Variants in LRRC4C observed in about 807,000 individuals in gnomAD.
The protein encoded by LRRC4C is leucine-rich repeat-containing protein 4C.
Under a neutral mutation model 33.6 loss-of-function variants are expected in LRRC4C, and 5 were observed. The observed-to-expected ratio is 0.15, with a 90% CI of 0.08 to 0.31. The LOEUF (loss-of-function observed/expected upper bound fraction) is 0.31. Ranked by LOEUF, LRRC4C falls within the 10% of genes least tolerant of loss-of-function variation. The pLI, the probability that LRRC4C is intolerant of heterozygous loss-of-function variation, is 1.00. For synonymous variants in LRRC4C, 329 were observed against 302.0 expected (o/e 1.09, Z -0.93); for missense variants, 560 against 796.7 (o/e 0.70, Z 3.58).
chr11:40,211,340 T>C (rs941496996), intron 5 of LRRC4C, among the ~76,000 whole-genome samples: 12 of 152,320 alleles, frequency 7.9e-5, no homozygotes, highest in African/African-American at 2.6e-4. Context: ...CTCTGTTAGA[T>C]ATGTGCTTTT....
chr11:40,563,947 T>G (rs887713878), intron 3 of LRRC4C, among the ~76,000 whole-genome samples: 1 of 152,192 alleles, frequency 6.6e-6, no homozygotes, highest in African/African-American at 2.4e-5. Flanking sequence ...GTCAGGCCAA[T>G]AACTAGGGTT....
intron 3 of LRRC4C, among the ~76,000 whole-genome samples, chr11:40,362,173 T>C (rs1382971439): frequency 6.6e-6 from 1 of 152,080 alleles, no homozygotes; most frequent in Non-Finnish European, 1.5e-5. Flanking sequence ...GGAAACAATA[T>C]AGGCAATACC....
At chr11:40,379,560 G>A (rs577998857) in intron 3 of LRRC4C, among the ~76,000 whole-genome samples, 8 of 151,996 alleles carry the variant, frequency 5.3e-5, no homozygotes, top group East Asian at 1.9e-4. Flanking sequence ...TACTTCCTCC[G>A]GTTAGTTCTA....
chr11:40,206,019 A>T (rs1863120149), intron 5 of LRRC4C, among the ~76,000 whole-genome samples: 1 of 152,166 alleles, frequency 6.6e-6, no homozygotes, highest in African/African-American at 2.4e-5. Context: ...TTTCAAAATA[A>T]TTTTATAGAA....
chr11:41,330,313 G>T (rs963498321), intron 1 of LRRC4C, among the ~76,000 whole-genome samples: 6 of 151,694 alleles, frequency 4.0e-5, no homozygotes, highest in African/African-American at 1.2e-4. Flanking sequence ...GCACTATTTT[G>T]TTTTTTTCTT....
At chr11:41,141,728 G>GT (rs1269329273) in intron 1 of LRRC4C, among the ~76,000 whole-genome samples, 1 of 152,048 alleles carries the variant, frequency 6.6e-6, no homozygotes, top group Non-Finnish European at 1.5e-5. Context: ...CACCATGATT[G>GT]TAAGTTTCCT....
At chr11:41,297,814 A>C (rs1950183660) in intron 1 of LRRC4C, among the ~76,000 whole-genome samples, 1 of 152,228 alleles carries the variant, frequency 6.6e-6, no homozygotes, top group Non-Finnish European at 1.5e-5. Context: ...ATGTATAGAT[A>C]GATCAGGAAG....
intron 1 of LRRC4C, among the ~76,000 whole-genome samples, chr11:40,958,752 T>C (rs1026413823): frequency 6.6e-6 from 1 of 151,800 alleles, no homozygotes; most frequent in Non-Finnish European, 1.5e-5. Flanking sequence ...AAATCTCAAA[T>C]CTTGAATTCT....
chr11:40,762,199 G>T (rs1236030242), intron 2 of LRRC4C, among the ~76,000 whole-genome samples: 1 of 152,104 alleles, frequency 6.6e-6, no homozygotes, highest in Non-Finnish European at 1.5e-5. Flanking sequence ...GTGGCCTGTG[G>T]AGAAATGTAA....
chr11:40,678,281 CT>C (rs1245567167), intron 2 of LRRC4C, among the ~76,000 whole-genome samples: 2 of 151,998 alleles, frequency 1.3e-5, no homozygotes, highest in African/African-American at 4.8e-5. Context: ...AATTTCAGCC[CT>C]GGAGCCCCTC....
chr11:41,322,672 A>G (rs185329553), intron 1 of LRRC4C, among the ~76,000 whole-genome samples: 93 of 152,326 alleles, frequency 6.1e-4, no homozygotes, highest in African/African-American at 2.2e-3. Context: ...GCTGCAGTGT[A>G]ACCACCCTCT....
intron 1 of LRRC4C, among the ~76,000 whole-genome samples, chr11:40,945,879 T>C (rs1470009972): frequency 6.6e-6 from 1 of 152,194 alleles, no homozygotes. Flanking sequence ...CATATGAATA[T>C]GAGTTTCAAA....
intron 1 of LRRC4C, among the ~76,000 whole-genome samples, chr11:41,210,960 A>G (rs1250779818): frequency 1.3e-5 from 2 of 152,166 alleles, no homozygotes; most frequent in Admixed American, 6.5e-5. Flanking sequence ...TCACATATGC[A>G]GTTCACAGTA....
intron 1 of LRRC4C, among the ~76,000 whole-genome samples, chr11:41,390,037 C>T (rs981970386): frequency 3.3e-5 from 5 of 151,890 alleles, no homozygotes; most frequent in East Asian, 1.9e-4. Flanking sequence ...TGTTTTTATC[C>T]TGTTCTGAGT....
intron 2 of LRRC4C, among the ~76,000 whole-genome samples, chr11:40,678,949 G>A (rs1944544106): frequency 1.3e-5 from 2 of 152,108 alleles, no homozygotes; most frequent in African/African-American, 4.8e-5. Context: ...CAGTTTGGAG[G>A]GCTCAGAAGA....
At chr11:40,666,434 T>C (rs1943815747) in intron 2 of LRRC4C, among the ~76,000 whole-genome samples, 1 of 152,088 alleles carries the variant, frequency 6.6e-6, no homozygotes. Flanking sequence ...CAGTTGTGTC[T>C]ACAAAATTAT....
intron 3 of LRRC4C, among the ~76,000 whole-genome samples, chr11:40,339,287 C>T (rs915231689): frequency 1.4e-4 from 22 of 152,102 alleles, no homozygotes; most frequent in African/African-American, 4.6e-4. Context: ...ATAAAGAACA[C>T]TTTGTCTTTC....
At chr11:40,842,862 CTG>C (rs1952974039) in intron 2 of LRRC4C, among the ~76,000 whole-genome samples, 1 of 152,168 alleles carries the variant, frequency 6.6e-6, no homozygotes, top group African/African-American at 2.4e-5. Flanking sequence ...TTCTACAACT[CTG>C]TGGTGTTTTC....
rs375368719 is a variant in LRRC4C, at chr11:40,148,256, C to T, written c.-95-7403G>A. ...TGACTTTAGGTCTCTGAAGAATTGC[C>T]GCACTGTTTTCCACAATGGTTGAGC... On this transcript the variant is annotated intron_variant, in intron 5 of 6. Transcript: ENST00000528697. Among the ~76,000 whole-genome samples the T allele has an allele frequency of 5.1e-4, 77 of 152,218 alleles. 2 individuals are homozygous for T. The highest frequency in any genetic ancestry group is 8.9e-4 in the African/African-American group (37 of 41,530).
Sources: gnomAD v4.1 joint callset for allele counts (sites outside exome capture counted in the v4.1 genomes callset) on GRCh38, gnomAD v4.1.1 for gene constraint, MANE v1.5 for transcripts, NCBI Gene and HGNC (gene_info 2026-07-23, HGNC 2026-07-21) for gene names.